TENM3: variants seen among roughly 807,000 people sequenced by gnomAD.
TENM3 encodes the protein teneurin-3.
In TENM3, 63 loss-of-function variants were observed where a neutral mutation model predicts 255.1. That is an observed-to-expected ratio of 0.25 (90% CI 0.20 to 0.30). TENM3 has a LOEUF of 0.30. Ranked by LOEUF, TENM3 falls within the 10% of genes least tolerant of loss-of-function variation. The pLI, the probability that TENM3 is intolerant of heterozygous loss-of-function variation, is 1.00. For missense variants in TENM3, 2,929 were observed against 3,461.1 expected, an observed-to-expected ratio of 0.85 and a Z score of 3.86; for synonymous variants, 1,306 against 1,322.3, an observed-to-expected ratio of 0.99 and a Z score of 0.27.
chr4:182,270,290 A>T (rs1376162486), intron 1 of TENM3, among the ~76,000 whole-genome samples: 2 of 152,160 alleles, frequency 1.3e-5, no homozygotes, highest in Non-Finnish European at 2.9e-5. Flanking sequence ...CCCATGAAAG[A>T]TGGCTTTACA....
Position 182,693,416 on chromosome 4 carries a change from A to G in TENM3, c.2221+5065A>G, listed in dbSNP as rs761990103. ...CAATGGCTCAATCTCGGGTCACTGCAAACTCCACCTCCTGGGTTCAAGTGA... is the reference window on the plus strand; with the variant it reads ...CAATGGCTCAATCTCGGGTCACTGCGAACTCCACCTCCTGGGTTCAAGTGA... On this transcript the variant is annotated intron_variant, in intron 12 of 27. Coordinates refer to ENST00000511685, the MANE Select transcript of TENM3 (RefSeq NM_001080477.4). Among the ~76,000 whole-genome samples the G allele has an allele frequency of 3.4e-4, 51 of 151,454 alleles. 1 individual carries two copies. Among genetic ancestry groups the G allele is most frequent in the Non-Finnish European group, 1.5e-4 (10 of 67,930 alleles).
At chr4:181,876,140 T>C in the TENM3 span, among the ~76,000 whole-genome samples, 1 of 152,222 alleles carries the variant, frequency 6.6e-6, no homozygotes, top group East Asian at 1.9e-4. Context: ...ACCTAGTTAA[T>C]GCAGACTGAC....
the TENM3 span, among the ~76,000 whole-genome samples, chr4:182,024,892 C>CT: frequency 6.6e-6 from 1 of 151,884 alleles, no homozygotes; most frequent in Admixed American, 6.6e-5. Context: ...TAAGTTCAAT[C>CT]TTTTTGATTT....
At chr4:182,319,540 T>C in intron 1 of TENM3, among the ~76,000 whole-genome samples, 1 of 152,342 alleles carries the variant, frequency 6.6e-6, no homozygotes, top group African/African-American at 2.4e-5. Context: ...TACATCTTGA[T>C]GTATTGTGGC....
chr4:182,609,382 C>A (rs1004295621), intron 4 of TENM3, among the ~76,000 whole-genome samples: 1 of 152,160 alleles, frequency 6.6e-6, no homozygotes, highest in Non-Finnish European at 1.5e-5. Context: ...CCTGGACAGG[C>A]TTTTGCCTAC....
chr4:181,972,669 T>C, the TENM3 span, among the ~76,000 whole-genome samples: 10 of 152,062 alleles, frequency 6.6e-5, no homozygotes, highest in Non-Finnish European at 1.5e-4. Context: ...CTGGGCAGTA[T>C]CTTTGACTGG....
At chr4:182,503,034 A>G (rs1479602459) in intron 3 of TENM3, among the ~76,000 whole-genome samples, 4 of 151,160 alleles carry the variant, frequency 2.6e-5, no homozygotes, top group Non-Finnish European at 5.9e-5. Flanking sequence ...AGTTTAGACA[A>G]TCCATCTGCT....
the TENM3 span, among the ~76,000 whole-genome samples, chr4:181,565,941 T>G: frequency 6.6e-6 from 1 of 152,184 alleles, no homozygotes; most frequent in Non-Finnish European, 1.5e-5. Flanking sequence ...TTGAATTAGT[T>G]AATTTAAAGT....
chr4:181,812,105 G>A, the TENM3 span, among the ~76,000 whole-genome samples: 21 of 152,118 alleles, frequency 1.4e-4, no homozygotes, highest in African/African-American at 2.4e-4. Flanking sequence ...AAGAGGCCTA[G>A]GTCAAAATGA....
chr4:182,117,512 T>C, the TENM3 span, among the ~76,000 whole-genome samples: 3 of 152,228 alleles, frequency 2.0e-5, no homozygotes, highest in Non-Finnish European at 2.9e-5. Context: ...CTTATTTTTT[T>C]GTATGTGGAT....
chr4:182,584,954 T>A (rs1745870903), intron 3 of TENM3, among the ~76,000 whole-genome samples: 1 of 152,124 alleles, frequency 6.6e-6, no homozygotes, highest in Admixed American at 6.5e-5. Flanking sequence ...ATATTTGCCT[T>A]TATAAATTTA....
the TENM3 span, among the ~76,000 whole-genome samples, chr4:182,081,444 C>A: frequency 6.6e-6 from 1 of 151,796 alleles, no homozygotes; most frequent in Non-Finnish European, 1.5e-5. Flanking sequence ...ATTAGCTGGG[C>A]GTGGTGGCAC....
At position 182,773,656 on chromosome 4, in the gene TENM3, G is replaced by A. The variant is rs78558114; in HGVS notation, c.5068+9G>A. On this transcript the variant is annotated intron_variant, in intron 23 of 27. Transcript: ENST00000511685. ...CTACACCATGGTTCAAGGTAAACAC[G>A]AAAGCATCATTTTAAACAAGTACCA... The A allele has an allele frequency of 5.0e-4, 796 of 1,604,900 alleles. 8 individuals are homozygous for A. In the East Asian group the frequency reaches 0.016, roughly 32 times the overall value.
chr4:181,963,534 G>A, the TENM3 span, among the ~76,000 whole-genome samples: 1 of 152,118 alleles, frequency 6.6e-6, no homozygotes, highest in African/African-American at 2.4e-5. Context: ...GCCAAATATG[G>A]CCCTGATTCC....
intron 3 of TENM3, among the ~76,000 whole-genome samples, chr4:182,424,737 G>C (rs11132123): frequency 0.66 from 100,143 of 151,944 alleles, 33,443 homozygotes; most frequent in East Asian, 0.92. Flanking sequence ...CACCATCTTT[G>C]TCCCTCTTAG....
chr4:181,838,429 C>T, the TENM3 span, among the ~76,000 whole-genome samples: 1 of 152,104 alleles, frequency 6.6e-6, no homozygotes, highest in Non-Finnish European at 1.5e-5. Context: ...CTGGAATTTG[C>T]TGACTTCATA....
the TENM3 span, among the ~76,000 whole-genome samples, chr4:181,457,847 A>G: frequency 6.6e-6 from 1 of 151,992 alleles, no homozygotes; most frequent in Non-Finnish European, 1.5e-5. Flanking sequence ...GGTTTCACAT[A>G]AAGAATACCA....
the TENM3 span, among the ~76,000 whole-genome samples, chr4:181,531,729 A>G: frequency 6.6e-6 from 1 of 152,236 alleles, no homozygotes. Context: ...GTGGAAATAT[A>G]AAACGCAAGA....
chr4:181,635,770 T>C, the TENM3 span, among the ~76,000 whole-genome samples: 103,261 of 151,994 alleles, frequency 0.68, 35,365 homozygotes, highest in East Asian at 0.73. Flanking sequence ...GAAGAAAGGG[T>C]GCAAGAGCTT....
Sources: gnomAD v4.1 joint callset for allele counts (sites outside exome capture counted in the v4.1 genomes callset) on GRCh38, gnomAD v4.1.1 for gene constraint, MANE v1.5 for transcripts, NCBI Gene and HGNC (gene_info 2026-07-23, HGNC 2026-07-21) for gene names.